The following NSD3 variants were observed in gnomAD, a reference collection of about 807,000 sequenced individuals.
The protein encoded by NSD3 is histone-lysine N-methyltransferase NSD3.
A neutral mutation model predicts 160.8 loss-of-function variants in NSD3; 24 were observed. The ratio of observed to expected loss-of-function variants is 0.15; its 90% CI spans 0.11 to 0.21. NSD3 has a LOEUF of 0.21. NSD3 is among the 10% of genes least tolerant of loss of function. The pLI, the probability that NSD3 is intolerant of heterozygous loss-of-function variation, is 1.00. For missense variants in NSD3, 1,157 were observed against 1,735.9 expected, an observed-to-expected ratio of 0.67 and a Z score of 5.93; for synonymous variants, 520 against 600.0, an observed-to-expected ratio of 0.87 and a Z score of 1.95.
Position 38,348,216 on chromosome 8 carries a change from C to A in NSD3, c.-44-1G>T. On this transcript the variant is annotated splice_acceptor_variant, in intron 1 of 23. Transcript: ENST00000317025. LOFTEE classifies it low-confidence loss of function (5UTR_SPLICE). ...TAACTTTCCCTTTCTCTCATCGGGC[C>A]TAAAATTATAAAAGAGGGGATTAGA... 6.6e-7 allele frequency: 1 copy of A among 1,516,968 alleles called. No homozygotes were observed. The highest frequency in any genetic ancestry group is 1.3e-5 in the South Asian group (1 of 74,948). 94.0% of individuals were successfully genotyped at this position (1,516,968 alleles called of 1,614,324 possible).
chr8:38,305,642 A>G (rs1809375986), intron 12 of NSD3, among the ~76,000 whole-genome samples, 197 bp from the exon 13 acceptor site: 1 of 152,248 alleles, frequency 6.6e-6, no homozygotes. Flanking sequence ...TTGATTATCA[A>G]TTTGGAGACA....
chr8:38,285,332 G>A (rs1808834615), intron 19 of NSD3, among the ~76,000 whole-genome samples: 2 of 152,202 alleles, frequency 1.3e-5, no homozygotes, highest in South Asian at 4.1e-4. Flanking sequence ...ACATTTTCAG[G>A]AATCTGTTCT....
In NSD3 at chr8:38,288,791, C is replaced by G. The variant is rs2130992017; in HGVS notation, c.3232-35G>C. ...AAAATCGCAAGCGAGAGAGAGGCAG[C>G]AGGTAAGTCATCTGGCAATGTGAAC... On this transcript the variant is annotated intron_variant, in intron 18 of 23. Coordinates refer to ENST00000317025, the MANE Select transcript of NSD3 (RefSeq NM_023034.2). The surrounding 1 kb of genome is among the most constrained non-coding windows in gnomAD (Gnocchi z 4.5). 1 of 1,600,784 alleles carries G rather than the reference C, an allele frequency of 6.2e-7. No individual in the cohort carries two copies. The highest frequency in any genetic ancestry group is 8.5e-7 in the Non-Finnish European group (1 of 1,171,264).
intron 1 of NSD3, among the ~76,000 whole-genome samples, chr8:38,354,745 A>C (rs991794695): frequency 6.6e-6 from 1 of 152,182 alleles, no homozygotes; most frequent in Non-Finnish European, 1.5e-5. Flanking sequence ...AAAAAAAACA[A>C]ATGATTTGGC....
At chr8:38,328,519 G>C (rs577620842) in intron 6 of NSD3, among the ~76,000 whole-genome samples, 1 of 152,178 alleles carries the variant, frequency 6.6e-6, no homozygotes, top group Non-Finnish European at 1.5e-5. Context: ...CAGGTTAAAA[G>C]AGCACCCTTG....
At chr8:38,309,858 T>G (rs1031208914) in intron 12 of NSD3, among the ~76,000 whole-genome samples, 6 of 152,224 alleles carry the variant, frequency 3.9e-5, no homozygotes, top group Non-Finnish European at 7.3e-5. Flanking sequence ...GGTATGTACC[T>G]GCAATACTTC....
chr8:38,307,476 G>A (rs989234135), intron 12 of NSD3, among the ~76,000 whole-genome samples: 2 of 152,146 alleles, frequency 1.3e-5, no homozygotes, highest in Non-Finnish European at 2.9e-5. Context: ...TAACTACACT[G>A]GGGAAGACTG....
Position 38,272,000 on chromosome 8 carries a change from A to T in NSD3, c.*3641T>A, listed in dbSNP as rs779831106. On this transcript the variant is annotated 3_prime_UTR_variant, in exon 24 of 24. Coordinates refer to ENST00000317025, the MANE Select transcript of NSD3 (RefSeq NM_023034.2). ...TTTGCAAACAGTAGGTCTGGGTTTG[A>T]CCTATTGGAATACACCATGCAAGAA... is the stretch of plus-strand genomic sequence containing the variant. 2 of 152,162 alleles carry T rather than the reference A, an allele frequency of 1.3e-5. No individual in the cohort carries two copies. Among genetic ancestry groups the T allele is most frequent in the South Asian group, 4.1e-4 (2 of 4,830 alleles). The allele number at this position is 152,162 out of a possible 1,614,324, so 9.4% of individuals were successfully genotyped here.
chr8:38,368,792 T>C (rs1811168775), intron 1 of NSD3, among the ~76,000 whole-genome samples: 1 of 152,218 alleles, frequency 6.6e-6, no homozygotes, highest in Non-Finnish European at 1.5e-5. Context: ...TCCAATCCTT[T>C]ACAGCAAGGG....
chr8:38,374,479 C>T lies in NSD3; in HGVS notation c.-45+7320G>A, dbSNP rs138645758. Reference sequence around the variant, plus strand: ...TTGTTTTAAGTAATCATACAGAGCCCGGCGCAGTGGCACCTGCCTGTAGTC... The same window carrying T: ...TTGTTTTAAGTAATCATACAGAGCCTGGCGCAGTGGCACCTGCCTGTAGTC... On this transcript the variant is annotated intron_variant, in intron 1 of 23. Coordinates refer to ENST00000317025, the MANE Select transcript of NSD3 (RefSeq NM_023034.2). 3.2e-3 allele frequency among the ~76,000 whole-genome samples: 483 copies of T among 151,598 alleles called. 2 individuals are homozygous for T. Among genetic ancestry groups the T allele is most frequent in the Non-Finnish European group, 4.9e-3 (330 of 67,842 alleles).
chr8:38,347,378 G>T, intron 2 of NSD3, 119 bp downstream of exon 2: 1 of 1,065,188 alleles, frequency 9.4e-7, no homozygotes, highest in Non-Finnish European at 1.3e-6. Flanking sequence ...CACGTTGCTA[G>T]TGATTAAAGA....
Position 38,299,509 on chromosome 8 carries a change from C to G in NSD3, c.2693G>C (p.Arg898Pro). The G allele has an allele frequency of 6.2e-7, 1 of 1,613,662 alleles. No homozygotes were observed. The highest frequency in any genetic ancestry group is 8.5e-7 in the Non-Finnish European group (1 of 1,179,792). Residue 898 changes from arginine (R) to proline (P), a missense_variant, in exon 15 of 24, where the codon CGT becomes CCT. Transcript: ENST00000317025. ...KSHYLLNESN[R>P]AELMKLPMIP... is the part of the protein sequence containing the mutation. ...CATAGGTAATTTCATCAACTCAGCACGATTTGATTCATTCAGTAGGTAGTG... is the reference window on the plus strand; with the variant it reads ...CATAGGTAATTTCATCAACTCAGCAGGATTTGATTCATTCAGTAGGTAGTG...
intron 14 of NSD3, among the ~76,000 whole-genome samples, chr8:38,300,471 T>A (rs1809252579): frequency 6.6e-6 from 1 of 152,136 alleles, no homozygotes; most frequent in South Asian, 2.1e-4. Context: ...CCAGGCCTGG[T>A]ACATGATTTT....
chr8:38,292,342 A>G (rs1809016404), intron 16 of NSD3, among the ~76,000 whole-genome samples: 1 of 152,214 alleles, frequency 6.6e-6, no homozygotes, highest in African/African-American at 2.4e-5. Context: ...ATTTCTTCCC[A>G]GGTATTAAAA....
chr8:38,323,217 G>A (rs1809832607), intron 7 of NSD3, among the ~76,000 whole-genome samples: 1 of 151,990 alleles, frequency 6.6e-6, no homozygotes, highest in South Asian at 2.1e-4. Context: ...ACCATGCCCA[G>A]CTAATTTTTT....
At position 38,296,674 on chromosome 8, in the gene NSD3, C is replaced by CTGTGTGTGTG. The variant is rs57485296; in HGVS notation, c.2759-732_2759-723dup. Among the ~76,000 whole-genome samples, 77 of 142,290 alleles carry CTGTGTGTGTG rather than the reference C, an allele frequency of 5.4e-4. 3 individuals are homozygous for CTGTGTGTGTG. In the South Asian group the frequency reaches 8.3e-3, roughly 15 times the overall value. The allele number at this position is 142,290 out of a possible 152,430, so 93.3% of individuals were successfully genotyped here. On this transcript the variant is annotated intron_variant, in intron 15 of 23. Coordinates refer to ENST00000317025, the MANE Select transcript of NSD3 (RefSeq NM_023034.2). The stretch of plus-strand genomic sequence containing the variant: ...CCTCTCTTTCTCTCTCTCTCTCCCT[C>CTGTGTGTGTG]TGTGTGTGTGTGTGTGTGTGTGTGT...
In NSD3 at chr8:38,275,094, G is replaced by A. The variant is rs1043509459; in HGVS notation, c.*547C>T. ...AAGCCTATGAAAAGCATTTTGAAGGGAAAGAGAAGTGAGCCTACCTACTGC... is the reference window on the plus strand; with the variant it reads ...AAGCCTATGAAAAGCATTTTGAAGGAAAAGAGAAGTGAGCCTACCTACTGC... On this transcript the variant is annotated 3_prime_UTR_variant, in exon 24 of 24. Coordinates refer to ENST00000317025, the MANE Select transcript of NSD3 (RefSeq NM_023034.2). 13 of 232,434 alleles carry A rather than the reference G, an allele frequency of 5.6e-5. No homozygotes were observed. Among genetic ancestry groups the A allele is most frequent in the Non-Finnish European group, 9.3e-5 (11 of 117,682 alleles). 14.4% of individuals were successfully genotyped at this position (232,434 alleles called of 1,614,324 possible). A position where few individuals can be genotyped will look rare whatever the true frequency, so the allele number is the denominator to read the frequency against.
intron 7 of NSD3, among the ~76,000 whole-genome samples, chr8:38,323,680 G>GC (rs981836516): frequency 4.6e-5 from 7 of 151,780 alleles, no homozygotes; most frequent in Admixed American, 1.3e-4. Flanking sequence ...AAATAAATTA[G>GC]CCAAGCATGG....
chr8:38,334,949 A>C (rs912767681), intron 4 of NSD3, among the ~76,000 whole-genome samples: 4 of 151,680 alleles, frequency 2.6e-5, no homozygotes, highest in Non-Finnish European at 5.9e-5. Flanking sequence ...CCAGCACTAA[A>C]GTAGGAAACT....
Sources: allele counts gnomAD v4.1 joint callset (sites outside exome capture counted in the v4.1 genomes callset), GRCh38; gene constraint gnomAD v4.1.1; non-coding constraint Gnocchi (gnomAD v3.1); transcripts MANE v1.5; gene names NCBI Gene and HGNC (gene_info 2026-07-23, HGNC 2026-07-21).